TIAM1: variants seen among roughly 807,000 people sequenced by gnomAD.
The protein encoded by TIAM1 is rho guanine nucleotide exchange factor TIAM1.
TIAM1 carries 65 observed loss-of-function variants against 163.5 expected under a neutral mutation model. The ratio of observed to expected loss-of-function variants is 0.40; its 90% CI spans 0.33 to 0.49. TIAM1 has a LOEUF of 0.49. Ranked by LOEUF, TIAM1 falls within the 20% of genes least tolerant of loss-of-function variation. The pLI is 0.77. For missense variants in TIAM1, 1,789 were observed against 2,044.7 expected (o/e 0.87, Z 2.41); for synonymous variants, 833 against 810.1 (o/e 1.03, Z -0.48).
chr21:31,207,823 C>T (rs944915173), intron 11 of TIAM1, among the ~76,000 whole-genome samples: 4 of 152,324 alleles, frequency 2.6e-5, no homozygotes, highest in African/African-American at 9.6e-5. Flanking sequence ...CTCCTGGCCT[C>T]AAGTGATCTG....
In TIAM1 at chr21:31,307,266, T is replaced by C. The variant is rs148111500; in HGVS notation, c.-188-30358A>G. Among the ~76,000 whole-genome samples, 654 of 152,296 alleles carry C rather than the reference T, an allele frequency of 4.3e-3. 4 individuals are homozygous for C. Among genetic ancestry groups the C allele is most frequent in the African/African-American group, 0.015 (614 of 41,554 alleles). ...GCCACATGGGTTAATGTGCTCTTCT[T>C]GTCCTCACCAGAGTATCCACACCCT... is the stretch of plus-strand genomic sequence containing the variant. On this transcript the variant is annotated intron_variant, in intron 2 of 27. Transcript: ENST00000541036.
At chr21:31,199,156 G>C (rs1432671054) in intron 12 of TIAM1, among the ~76,000 whole-genome samples, 1 of 152,166 alleles carries the variant, frequency 6.6e-6, no homozygotes, top group Non-Finnish European at 1.5e-5. Context: ...GGGCTCTTGA[G>C]TTCTCACAAA....
At chr21:31,414,390 G>C (rs760942376) in intron 2 of TIAM1, among the ~76,000 whole-genome samples, 5 of 152,202 alleles carry the variant, frequency 3.3e-5, no homozygotes, top group Non-Finnish European at 7.3e-5. Context: ...GAATCTAACA[G>C]TGAAGAATCC....
chr21:31,465,467 A>C (rs1273433665), intron 1 of TIAM1, among the ~76,000 whole-genome samples: 2 of 152,136 alleles, frequency 1.3e-5, no homozygotes, highest in African/African-American at 4.8e-5. Flanking sequence ...AATGAGTAAA[A>C]GCTGAGGCAG....
chr21:31,120,864 A>G lies in TIAM1; in HGVS notation c.4307-27T>C. ...TGCACACACACACAAAAATATAAAA[A>G]TAAAACCCCCACATGCTTTACGTGA... On this transcript the variant is annotated intron_variant, in intron 27 of 27. Transcript: ENST00000541036. This position sits in a 1 kb window ranked among gnomAD's most constrained non-coding sequence, Gnocchi z 4.2. 1 of 1,556,984 alleles carries G rather than the reference A, an allele frequency of 6.4e-7. No individual in the cohort carries two copies. Among genetic ancestry groups the G allele is most frequent in the South Asian group, 1.2e-5 (1 of 82,366 alleles).
intron 9 of TIAM1, among the ~76,000 whole-genome samples, chr21:31,215,236 G>A (rs2087115321): frequency 6.6e-6 from 1 of 152,000 alleles, no homozygotes; most frequent in Non-Finnish European, 1.5e-5. Flanking sequence ...AGAAGCAGTG[G>A]GCTGAGCCAT....
intron 1 of TIAM1, among the ~76,000 whole-genome samples, chr21:31,535,310 G>A (rs1008288462): frequency 6.8e-6 from 1 of 147,110 alleles, no homozygotes; most frequent in Non-Finnish European, 1.5e-5. Context: ...GACCTTGGGA[G>A]GAGGAGATTG....
At chr21:31,342,568 TAGTC>T (rs1306655686) in intron 1 of TIAM1, among the ~76,000 whole-genome samples, 2 of 152,238 alleles carry the variant, frequency 1.3e-5, no homozygotes, top group South Asian at 2.1e-4. Context: ...CTCCGTCTAT[TAGTC>T]AGTTTCACCA....
intron 1 of TIAM1, among the ~76,000 whole-genome samples, chr21:31,518,902 C>T (rs1337457284): frequency 6.6e-6 from 1 of 152,192 alleles, no homozygotes; most frequent in African/African-American, 2.4e-5. Context: ...AAAATGTAGT[C>T]TGGATTTCAA....
intron 5 of TIAM1, among the ~76,000 whole-genome samples, chr21:31,249,609 G>A (rs2071685685): frequency 1.3e-5 from 2 of 152,126 alleles, no homozygotes; most frequent in South Asian, 2.1e-4. Context: ...AGGCTGCAGC[G>A]TCCAGAGGTG....
chr21:31,475,063 T>TA (rs60062894), intron 1 of TIAM1, among the ~76,000 whole-genome samples: 8 of 16,254 alleles, frequency 4.9e-4, no homozygotes, highest in Non-Finnish European at 9.7e-4. Context: ...TTATTATTAT[T>TA]TAGTTTTAGA....
rs1286414514 is a variant in TIAM1 at position 31,141,695 on chromosome 21, T to C, written c.3476-191A>G. Among the ~76,000 whole-genome samples, 2 of 151,456 alleles carry C rather than the reference T, an allele frequency of 1.3e-5. No homozygotes were observed. Among genetic ancestry groups the C allele is most frequent in the African/African-American group, 4.9e-5 (2 of 41,206 alleles). ...ACAGGCAGTCAGATCTATGTATTTA[T>C]GTGTTGGGGGTGGGGTGGGGAGAAG... On this transcript the variant is annotated intron_variant, in intron 20 of 27. Transcript: ENST00000541036. The surrounding 1 kb of genome is among the most constrained non-coding windows in gnomAD (Gnocchi z 4.7).
chr21:31,120,462 C>T lies in TIAM1; in HGVS notation c.4682G>A (p.Gly1561Glu), dbSNP rs1352459561. Residue 1561 changes from glycine to glutamate, a missense_variant, in exon 28 of 28, where the codon GGG becomes GAG. Physicochemically the swap from Gly to Glu is moderately conservative, Grantham distance 98 (BLOSUM62 -2). Around this residue, in one of 5 missense-constraint regions of TIAM1, gnomAD observed 415 missense variants for 439.2 expected, o/e 0.94. Coordinates refer to ENST00000541036, the MANE Select transcript of TIAM1 (RefSeq NM_001353694.2). This position sits in a 1 kb window ranked among gnomAD's most constrained non-coding sequence, Gnocchi z 4.2. ...TGCGCTCTCCAGGCCTCCATTGATC[C>T]CCGACAGGGCAGCTTGCTTCTTGAG... ...AQLKKQAALSGINGGLESASE... is the reference protein window; with the variant it reads ...AQLKKQAALSEINGGLESASE... 6.2e-7 allele frequency: 1 copy of T among 1,614,212 alleles called. No individual in the cohort carries two copies. Among genetic ancestry groups the T allele is most frequent in the Admixed American group, 1.7e-5 (1 of 60,028 alleles).
At chr21:31,495,799 C>T (rs2046620527) in intron 1 of TIAM1, among the ~76,000 whole-genome samples, 1 of 152,080 alleles carries the variant, frequency 6.6e-6, no homozygotes, top group Admixed American at 6.6e-5. Flanking sequence ...TAGTGAAACC[C>T]CGTCTCTACT....
chr21:31,214,537 C>T (rs570549379), intron 9 of TIAM1, among the ~76,000 whole-genome samples: 3 of 151,864 alleles, frequency 2.0e-5, no homozygotes, highest in Admixed American at 2.0e-4. Context: ...AGTTTTTTAC[C>T]TCAACATGGC....
intron 2 of TIAM1, among the ~76,000 whole-genome samples, chr21:31,315,239 G>C (rs2075068286): frequency 6.6e-6 from 1 of 152,146 alleles, no homozygotes; most frequent in African/African-American, 2.4e-5. Flanking sequence ...GCATGGCCGG[G>C]CGCAGTGGCT....
intron 13 of TIAM1, among the ~76,000 whole-genome samples, chr21:31,188,392 TA>T (rs1430477137): frequency 1.3e-5 from 2 of 152,156 alleles, no homozygotes; most frequent in African/African-American, 2.4e-5. Flanking sequence ...AAGAACCATT[TA>T]AGTTACATTA....
intron 1 of TIAM1, among the ~76,000 whole-genome samples, chr21:31,557,615 C>A (rs1326838694): frequency 6.6e-6 from 1 of 152,184 alleles, no homozygotes; most frequent in African/African-American, 2.4e-5. Flanking sequence ...TCAAAGTATG[C>A]GCCAAGTCAG....
intron 2 of TIAM1, among the ~76,000 whole-genome samples, chr21:31,372,715 A>G (rs930581804): frequency 6.6e-6 from 1 of 152,180 alleles, no homozygotes; most frequent in African/African-American, 2.4e-5. Context: ...TACACCTGTA[A>G]TCCCCCAGCA....
Sources: gnomAD v4.1 joint callset for allele counts (sites outside exome capture counted in the v4.1 genomes callset) on GRCh38, gnomAD v4.1.1 for gene constraint, gnomAD v4.1.1 regional missense constraint, Gnocchi (gnomAD v3.1) non-coding constraint, MANE v1.5 for transcripts, NCBI Gene and HGNC (gene_info 2026-07-23, HGNC 2026-07-21) for gene names.